Variants in CAST observed in about 807,000 individuals in gnomAD.
CAST encodes the protein calpastatin, also known as MIR583 host.
Under a neutral mutation model 119.6 loss-of-function variants are expected in CAST, and 76 were observed. The observed-to-expected ratio is 0.64, with a 90% CI of 0.53 to 0.77. CAST has a LOEUF of 0.77. CAST is among the 30% of genes least tolerant of loss of function. CAST has a pLI of 0.00. For synonymous variants in CAST, 319 were observed against 331.6 expected (o/e 0.96, Z 0.41); for missense variants, 953 against 946.5 (o/e 1.01, Z -0.09).
chr5:96,691,614 A>G (rs913379986), intron 2 of CAST, among the ~76,000 whole-genome samples: 11 of 152,170 alleles, frequency 7.2e-5, no homozygotes, highest in Admixed American at 7.2e-4. Flanking sequence ...AGGATTTTCA[A>G]CCTGTGGGTC....
chr5:96,500,394 T>C, the CAST span, among the ~76,000 whole-genome samples: 1 of 152,232 alleles, frequency 6.6e-6, no homozygotes, highest in East Asian at 1.9e-4. Context: ...CTATAGTGGC[T>C]GCTCACATAT....
the CAST span, among the ~76,000 whole-genome samples, chr5:96,140,416 A>T: frequency 6.6e-6 from 1 of 152,236 alleles, no homozygotes; most frequent in African/African-American, 2.4e-5. Context: ...TAGATCACAG[A>T]ATCTTGTGAG....
the CAST span, among the ~76,000 whole-genome samples, chr5:96,461,988 T>C: frequency 1.3e-5 from 2 of 152,086 alleles, no homozygotes; most frequent in Non-Finnish European, 2.9e-5. Flanking sequence ...GCCTTTCCCC[T>C]ATGGAAGTAC....
chr5:96,712,568 A>G (rs149515288), intron 3 of CAST, among the ~76,000 whole-genome samples: 34 of 152,218 alleles, frequency 2.2e-4, no homozygotes, highest in Middle Eastern at 3.4e-3. Flanking sequence ...GGCTCAATCA[A>G]TCCTCCCACC....
At chr5:96,236,627 G>A in the CAST span, among the ~76,000 whole-genome samples, 3 of 152,186 alleles carry the variant, frequency 2.0e-5, no homozygotes, top group African/African-American at 7.2e-5. Flanking sequence ...CAAAATGCAC[G>A]TGAAAGCATT....
chr5:96,241,385 C>G, the CAST span, among the ~76,000 whole-genome samples: 2 of 151,834 alleles, frequency 1.3e-5, no homozygotes, highest in Admixed American at 6.6e-5. Context: ...CTACAAAGGA[C>G]GTGAACTCAT....
the CAST span, among the ~76,000 whole-genome samples, chr5:96,434,941 T>C: frequency 3.3e-5 from 5 of 152,246 alleles, no homozygotes; most frequent in Admixed American, 3.3e-4. Flanking sequence ...GTAACTCACA[T>C]GAGATGAAAT....
At chr5:96,705,516 G>A (rs756854362) in intron 3 of CAST, among the ~76,000 whole-genome samples, 36 of 151,930 alleles carry the variant, frequency 2.4e-4, no homozygotes, top group Non-Finnish European at 4.3e-4. Flanking sequence ...CAATCATACC[G>A]TTAGCAAGGT....
chr5:96,408,161 T>A, the CAST span: 1 of 1,174,724 alleles, frequency 8.5e-7, no homozygotes, highest in African/African-American at 1.5e-5. Context: ...GAAAAAAAAG[T>A]GTTATTAAAA....
chr5:96,367,633 A>G, the CAST span, among the ~76,000 whole-genome samples: 2 of 152,016 alleles, frequency 1.3e-5, no homozygotes, highest in African/African-American at 4.8e-5. Flanking sequence ...CAGGCGCGGG[A>G]TATAATCTCC....
chr5:96,424,216 A>T, the CAST span, among the ~76,000 whole-genome samples: 4 of 152,092 alleles, frequency 2.6e-5, no homozygotes, highest in Non-Finnish European at 4.4e-5. Flanking sequence ...CCACAATCAA[A>T]AGTGTCAGTG....
the CAST span, among the ~76,000 whole-genome samples, chr5:96,051,400 G>T: frequency 2.0e-5 from 3 of 152,108 alleles, no homozygotes; most frequent in African/African-American, 7.2e-5. Flanking sequence ...AACTGTTCAG[G>T]AATTTGTCTT....
chr5:96,380,367 G>C, the CAST span, among the ~76,000 whole-genome samples: 1 of 152,026 alleles, frequency 6.6e-6, no homozygotes, highest in African/African-American at 2.4e-5. Context: ...TTTTAAGTTG[G>C]GTGATGAAAT....
the CAST span, among the ~76,000 whole-genome samples, chr5:96,144,357 G>C: frequency 6.6e-6 from 1 of 152,258 alleles, no homozygotes; most frequent in Admixed American, 6.5e-5. Context: ...AACGGAGTTT[G>C]AGACCTGCCC....
chr5:96,169,258 C>A, the CAST span, among the ~76,000 whole-genome samples: 1 of 152,150 alleles, frequency 6.6e-6, no homozygotes, highest in African/African-American at 2.4e-5. Context: ...TGAAGCCTTG[C>A]AGCAGTACAG....
the CAST span, among the ~76,000 whole-genome samples, chr5:96,348,041 A>G: frequency 2.0e-5 from 3 of 152,222 alleles, no homozygotes; most frequent in Non-Finnish European, 4.4e-5. Flanking sequence ...CAATGTTTTA[A>G]GTAAAGGATT....
At chr5:96,525,785 C>T (rs980821768), upstream of CAST, among the ~76,000 whole-genome samples, 6 of 152,170 alleles carry the variant, frequency 3.9e-5, no homozygotes, top group Non-Finnish European at 7.4e-5. Context: ...AGCTTTGCTG[C>T]GCTGTGCTGC....
chr5:96,410,897 G>C, the CAST span: 3 of 1,613,940 alleles, frequency 1.9e-6, no homozygotes, highest in South Asian at 1.1e-5. Flanking sequence ...TGTAGATGCT[G>C]TCTGTGTAGC....
the CAST span, among the ~76,000 whole-genome samples, chr5:96,216,028 G>A: frequency 6.6e-6 from 1 of 152,026 alleles, no homozygotes; most frequent in Non-Finnish European, 1.5e-5. Context: ...GGCTGGTCTC[G>A]AACTCCTGGC....
Sources: gnomAD v4.1 joint callset for allele counts (sites outside exome capture counted in the v4.1 genomes callset) on GRCh38, gnomAD v4.1.1 for gene constraint, MANE v1.5 for transcripts, NCBI Gene and HGNC (gene_info 2026-07-23, HGNC 2026-07-21) for gene names.